Variants in CCDC186 observed in about 807,000 individuals in gnomAD.
CCDC186 encodes the protein coiled-coil domain-containing protein 186.
In CCDC186, 49 loss-of-function variants were observed where a neutral mutation model predicts 113.7. That is an observed-to-expected ratio of 0.43 (90% CI 0.34 to 0.55). The LOEUF (loss-of-function observed/expected upper bound fraction) is 0.55. CCDC186 is among the 20% of genes least tolerant of loss of function. The probability of loss-of-function intolerance (pLI) is 0.02; values close to 1 mark genes in which losing one functional copy is unlikely to be tolerated. For missense variants in CCDC186, 890 were observed against 1,011.1 expected, an observed-to-expected ratio of 0.88 and a Z score of 1.62; for synonymous variants, 355 against 345.8, an observed-to-expected ratio of 1.03 and a Z score of -0.30.
At chr10:114,172,611 A>G (rs1245708523) in intron 1 of CCDC186, among the ~76,000 whole-genome samples, 1 of 152,238 alleles carries the variant, frequency 6.6e-6, no homozygotes, top group African/African-American at 2.4e-5. Flanking sequence ...AAAAACAAAC[A>G]CAATCCATGC....
intron 6 of CCDC186, among the ~76,000 whole-genome samples, chr10:114,141,646 C>T (rs1250818588): frequency 2.0e-5 from 3 of 151,946 alleles, no homozygotes; most frequent in Middle Eastern, 3.2e-3. Context: ...CACACACACG[C>T]ACGCACACAC....
intron 4 of CCDC186, among the ~76,000 whole-genome samples, chr10:114,149,858 A>AGGCAGGCAGGC (rs2031792827): frequency 8.0e-6 from 1 of 124,964 alleles, no homozygotes; most frequent in Non-Finnish European, 1.8e-5. Flanking sequence ...GGCAGGCAGG[A>AGGCAGGCAGGC]AGGCAGGCAG....
intron 10 of CCDC186, 25 bp downstream of exon 10, chr10:114,134,888 C>T (rs1032860168): frequency 1.3e-6 from 2 of 1,581,592 alleles, no homozygotes; most frequent in South Asian, 2.4e-5. Flanking sequence ...CTTATTAATA[C>T]AAACAGAAGT....
At chr10:114,145,818 A>G (rs2031622985) in intron 4 of CCDC186, 57 bp from the exon 5 acceptor site, 1 of 1,442,846 alleles carries the variant, frequency 6.9e-7, no homozygotes, top group East Asian at 2.3e-5. Context: ...ATGGAAATGT[A>G]TTGAAATACA....
chr10:114,164,065 A>AGTGT (rs747232906), intron 1 of CCDC186, among the ~76,000 whole-genome samples: 21,211 of 106,794 alleles, frequency 0.2, 2,239 homozygotes, highest in African/African-American at 0.23. Flanking sequence ...ACCAAGTTAG[A>AGTGT]GTGTGTGTGT....
intron 9 of CCDC186, among the ~76,000 whole-genome samples, chr10:114,135,310 CAAA>C (rs1300283181): frequency 6.6e-6 from 1 of 151,958 alleles, no homozygotes; most frequent in Admixed American, 6.6e-5. Flanking sequence ...TCCTCTACCT[CAAA>C]AAACTGGCAA....
chr10:114,132,845 A>C (rs1382139545), intron 10 of CCDC186, among the ~76,000 whole-genome samples: 1 of 152,218 alleles, frequency 6.6e-6, no homozygotes, highest in East Asian at 1.9e-4. Flanking sequence ...ATATTGATGA[A>C]GAGAAAGACT....
In CCDC186 at chr10:114,122,068, T is replaced by A; in HGVS notation, c.*3075A>T. 1 of 152,344 alleles carries A rather than the reference T, an allele frequency of 6.6e-6. No individual in the cohort carries two copies. The highest frequency in any genetic ancestry group is 1.5e-5 in the Non-Finnish European group (1 of 68,206). 9.4% of individuals were successfully genotyped at this position (152,344 alleles called of 1,614,324 possible). A position where few individuals can be genotyped will look rare whatever the true frequency, so the allele number is the denominator to read the frequency against. ...CTCAAACAATCCTCCCACCTCAGCCTCCCAAAGTGCTGGGATTACAGGGGT... is the reference window on the plus strand; with the variant it reads ...CTCAAACAATCCTCCCACCTCAGCCACCCAAAGTGCTGGGATTACAGGGGT... On this transcript the variant is annotated 3_prime_UTR_variant, in exon 16 of 16. Coordinates refer to ENST00000369287, the MANE Select transcript of CCDC186 (RefSeq NM_018017.4).
chr10:114,137,188 G>A lies in CCDC186; in HGVS notation c.1324C>T (p.Gln442Ter). ...TCTATTTTAAAAGTTATGCATACCT[G>A]ATATGTTTTTATCATATCCTGACAG... The part of the protein sequence containing the change: ...KNCQDMIKTY[Q>*]ESEEIKSNEL... The change falls in exon 7 of 16, where the codon CAG becomes TAG. Residue 442 changes from glutamine (Q) to a stop codon, truncating the protein, a stop_gained and splice_region_variant. Transcript: ENST00000369287. LOFTEE classifies it high-confidence loss of function. 2 of 1,601,732 alleles carry A rather than the reference G, an allele frequency of 1.2e-6. No homozygotes were observed. The highest frequency in any genetic ancestry group is 1.7e-6 in the Non-Finnish European group (2 of 1,169,374).
At chr10:114,165,336 A>C (rs752113176) in intron 1 of CCDC186, among the ~76,000 whole-genome samples, 1 of 152,240 alleles carries the variant, frequency 6.6e-6, no homozygotes, top group Non-Finnish European at 1.5e-5. Flanking sequence ...AGGACAAAAT[A>C]AAATAATTCT....
At chr10:114,157,952 T>C (rs1362365036) in intron 2 of CCDC186, among the ~76,000 whole-genome samples, 1 of 152,262 alleles carries the variant, frequency 6.6e-6, no homozygotes, top group Non-Finnish European at 1.5e-5. Context: ...CTTCCAGATT[T>C]ATACCTTCAG....
At position 114,144,891 on chromosome 10, in the gene CCDC186, A is replaced by T. The variant is rs73355744; in HGVS notation, c.1102-275T>A. 1.9e-3 allele frequency among the ~76,000 whole-genome samples: 282 copies of T among 152,302 alleles called. 2 individuals carry two copies. The highest frequency in any genetic ancestry group is 6.5e-3 in the African/African-American group (271 of 41,590). Reference sequence around the variant, plus strand: ...TCTTTATGATTCTTAACTGGCTGGCATTAAGGTGAAATATGAACTAAATTG... The same window carrying T: ...TCTTTATGATTCTTAACTGGCTGGCTTTAAGGTGAAATATGAACTAAATTG... On this transcript the variant is annotated intron_variant, in intron 5 of 15. Transcript: ENST00000369287.
At chr10:114,165,719 G>C (rs925668485) in intron 1 of CCDC186, among the ~76,000 whole-genome samples, 1 of 151,746 alleles carries the variant, frequency 6.6e-6, no homozygotes, top group Non-Finnish European at 1.5e-5. Context: ...ATTATGGTGG[G>C]TGCCTGTAAT....
At chr10:114,160,269 C>CAA (rs78640501) in intron 2 of CCDC186, among the ~76,000 whole-genome samples, 83 of 114,204 alleles carry the variant, frequency 7.3e-4, no homozygotes, top group African/African-American at 1.8e-3. Flanking sequence ...AACTCCACCT[C>CAA]AAAAAAAAAA....
At chr10:114,159,395 A>G (rs2032099119) in intron 2 of CCDC186, among the ~76,000 whole-genome samples, 2 of 152,150 alleles carry the variant, frequency 1.3e-5, no homozygotes, top group South Asian at 4.1e-4. Flanking sequence ...TTTTGGTCCC[A>G]GCACTTTGGG....
intron 1 of CCDC186, 67 bp downstream of exon 1, chr10:114,173,948 G>A (rs923782912): frequency 1.1e-5 from 5 of 455,896 alleles, no homozygotes; most frequent in Admixed American, 2.4e-5. Context: ...GGAGCGGAAG[G>A]CTGGCAGCCC....
Position 114,131,231 on chromosome 10 carries a change from C to T in CCDC186, c.2017G>A (p.Val673Ile), listed in dbSNP as rs775793063. ...ACTAACTCATCTTTTAATTCTTCTA[C>T]CTGGGTACTCAATGCTTTAACTTCT... is the stretch of plus-strand genomic sequence containing the variant. The part of the protein sequence containing the change: ...QTEVKALSTQ[V>I]EELKDELVTQ... The change falls in exon 12 of 16, where the codon GTA becomes ATA. Residue 673 changes from valine (V) to isoleucine (I), a missense_variant. Transcript: ENST00000369287. 6 of 1,601,922 alleles carry T rather than the reference C, an allele frequency of 3.7e-6. No individual in the cohort carries two copies. Among genetic ancestry groups the T allele is most frequent in the African/African-American group, 1.3e-5 (1 of 74,388 alleles).
chr10:114,172,257 TA>T (rs2119819870), intron 1 of CCDC186, among the ~76,000 whole-genome samples: 1 of 152,328 alleles, frequency 6.6e-6, no homozygotes, highest in African/African-American at 2.4e-5. Flanking sequence ...AATCTCCAAA[TA>T]AAGCTGCTTT....
intron 11 of CCDC186, 152 bp downstream of exon 11, chr10:114,131,777 G>C: frequency 1.8e-6 from 1 of 541,618 alleles, no homozygotes; most frequent in Admixed American, 4.0e-5. Flanking sequence ...TAACAGTTGA[G>C]GAAAAACTGA....
Sources: gnomAD v4.1 joint callset for allele counts (sites outside exome capture counted in the v4.1 genomes callset) on GRCh38, gnomAD v4.1.1 for gene constraint, MANE v1.5 for transcripts, NCBI Gene and HGNC (gene_info 2026-07-23, HGNC 2026-07-21) for gene names.